The following MIPOL1 variants were observed in gnomAD, a reference collection of about 807,000 sequenced individuals.
MIPOL1 encodes the protein mirror-image polydactyly gene 1 protein.
In MIPOL1, 57 loss-of-function variants were observed where a neutral mutation model predicts 60.9. The ratio of observed to expected loss-of-function variants is 0.94; its 90% confidence interval spans 0.76 to 1.17. The LOEUF (loss-of-function observed/expected upper bound fraction) is 1.17, where lower values mean the gene tolerates loss of function less well. MIPOL1 is among the 50% of genes most tolerant of loss of function. The probability of loss-of-function intolerance (pLI) is 0.00; values close to 1 mark genes in which losing one functional copy is unlikely to be tolerated. For missense variants in MIPOL1, 551 were observed against 511.6 expected, an observed-to-expected ratio of 1.08 and a Z score of -0.74; for synonymous variants, 179 against 168.8, an observed-to-expected ratio of 1.06 and a Z score of -0.47.
In MIPOL1 at chr14:37,519,346, G is replaced by C. The variant is rs1383087481; in HGVS notation, c.1262+19208G>C. ...TCTCACTCATGTATTCTGTGCTTAT[G>C]TAAGTGATGGCAGATAGACCTAAAC... is the stretch of plus-strand genomic sequence containing the variant. On this transcript the variant is annotated intron_variant, in intron 12 of 12. Transcript: ENST00000684589. Among the ~76,000 whole-genome samples, 10 of 152,092 alleles carry C rather than the reference G, an allele frequency of 6.6e-5. No individual in the cohort carries two copies. In the East Asian group the frequency reaches 1.9e-3, roughly 29 times the overall value.
At chr14:37,327,938 A>T (rs2089321647) in intron 9 of MIPOL1, among the ~76,000 whole-genome samples, 1 of 152,154 alleles carries the variant, frequency 6.6e-6, no homozygotes, top group South Asian at 2.1e-4. Flanking sequence ...TAGAAAAGGA[A>T]AATGGGTTAA....
chr14:37,296,451 G>A (rs1225338320), intron 7 of MIPOL1, among the ~76,000 whole-genome samples: 5 of 152,100 alleles, frequency 3.3e-5, no homozygotes, highest in African/African-American at 4.8e-5. Context: ...AAATAACTAA[G>A]ATCAGAGCAG....
At chr14:37,282,286 C>T (rs979378565) in intron 6 of MIPOL1, among the ~76,000 whole-genome samples, 1 of 141,154 alleles carries the variant, frequency 7.1e-6, no homozygotes, top group South Asian at 2.4e-4. Context: ...GATGGAGTTT[C>T]GCTCTCGTGC....
chr14:37,270,526 G>T lies in MIPOL1; in HGVS notation c.493+1G>T. On this transcript the variant is annotated splice_donor_variant, in intron 6 of 12. Transcript: ENST00000684589. LOFTEE classifies it high-confidence loss of function. ...GCTAAAATTGCTGAAAAGACAGCAG[G>T]TATAGTAGAGGAGTATTAACACATG... 1 of 1,540,412 alleles carries T rather than the reference G, an allele frequency of 6.5e-7. No individual in the cohort carries two copies. Among genetic ancestry groups the T allele is most frequent in the Non-Finnish European group, 8.9e-7 (1 of 1,125,242 alleles).
intron 11 of MIPOL1, among the ~76,000 whole-genome samples, chr14:37,484,491 C>A (rs2094918089): frequency 6.6e-6 from 1 of 152,054 alleles, no homozygotes; most frequent in Non-Finnish European, 1.5e-5. Flanking sequence ...GAGTGTCCTA[C>A]CGCGCCCAGC....
chr14:37,285,814 G>A (rs368262925), intron 7 of MIPOL1, among the ~76,000 whole-genome samples: 1 of 151,752 alleles, frequency 6.6e-6, no homozygotes, highest in African/African-American at 2.4e-5. Context: ...GGATGGTCTC[G>A]AACTCCTGAC....
At chr14:37,356,889 T>C (rs987041404) in intron 9 of MIPOL1, among the ~76,000 whole-genome samples, 21 of 152,196 alleles carry the variant, frequency 1.4e-4, no homozygotes, top group African/African-American at 4.8e-4. Context: ...CGCTGGGAGC[T>C]GTAGACCGGA....
chr14:37,353,894 GTC>G (rs2091600256), intron 9 of MIPOL1, among the ~76,000 whole-genome samples: 1 of 151,886 alleles, frequency 6.6e-6, no homozygotes, highest in African/African-American at 2.4e-5. Context: ...GGTTTTTTGT[GTC>G]TCTATTTCCT....
At chr14:37,297,190 A>G (rs1210078344) in intron 7 of MIPOL1, among the ~76,000 whole-genome samples, 3 of 152,210 alleles carry the variant, frequency 2.0e-5, no homozygotes, top group Admixed American at 6.5e-5. Flanking sequence ...TATAAACAGA[A>G]CCAAAGATAA....
chr14:37,199,439 G>A (rs1181419196), intron 1 of MIPOL1, among the ~76,000 whole-genome samples: 1 of 152,104 alleles, frequency 6.6e-6, no homozygotes, highest in East Asian at 1.9e-4. Flanking sequence ...CATGCTGTAT[G>A]TATAGTATTT....
At chr14:37,480,687 G>A (rs2094849216) in intron 11 of MIPOL1, among the ~76,000 whole-genome samples, 1 of 152,016 alleles carries the variant, frequency 6.6e-6, no homozygotes, top group East Asian at 1.9e-4. Context: ...TTTCCACATA[G>A]TACTGGAAAT....
intron 1 of MIPOL1, among the ~76,000 whole-genome samples, chr14:37,203,133 C>T (rs375816785): frequency 2.0e-5 from 3 of 152,060 alleles, no homozygotes; most frequent in Non-Finnish European, 4.4e-5. Flanking sequence ...TTATTATTCT[C>T]TCTATTGAAT....
intron 7 of MIPOL1, among the ~76,000 whole-genome samples, chr14:37,296,088 A>G (rs1172454402): frequency 6.6e-6 from 1 of 152,214 alleles, no homozygotes; most frequent in Non-Finnish European, 1.5e-5. Context: ...AAAGAACAGA[A>G]ATTATAACAA....
chr14:37,444,075 G>T (rs934156834), intron 11 of MIPOL1, among the ~76,000 whole-genome samples: 1 of 152,034 alleles, frequency 6.6e-6, no homozygotes, highest in African/African-American at 2.4e-5. Context: ...CTTCCCACTT[G>T]AACTTTCTGA....
intron 7 of MIPOL1, among the ~76,000 whole-genome samples, chr14:37,302,802 ATCCCTTTG>A (rs2086427847): frequency 6.6e-6 from 1 of 151,862 alleles, no homozygotes; most frequent in African/African-American, 2.4e-5. Flanking sequence ...CTATATGTTA[ATCCCTTTG>A]TCAATATCAC....
At chr14:37,198,272 C>CT (rs1397878927) in intron 1 of MIPOL1, 168 bp downstream of exon 1, 1 of 152,314 alleles carries the variant, frequency 6.6e-6, no homozygotes, top group African/African-American at 2.4e-5. Flanking sequence ...ATGGGGCTCT[C>CT]TCGAAGGTCA....
chr14:37,497,431 A>T (rs2095148670), intron 11 of MIPOL1, among the ~76,000 whole-genome samples: 1 of 152,230 alleles, frequency 6.6e-6, no homozygotes, highest in Admixed American at 6.5e-5. Context: ...GTAAAGTTAA[A>T]ATATAAGGGA....
At chr14:37,520,687 T>A (rs1420520492) in intron 12 of MIPOL1, among the ~76,000 whole-genome samples, 4 of 152,106 alleles carry the variant, frequency 2.6e-5, no homozygotes, top group Admixed American at 6.5e-5. Context: ...AGAAGTTAAT[T>A]TACATTGATT....
At chr14:37,446,922 T>C (rs1473134328) in intron 11 of MIPOL1, among the ~76,000 whole-genome samples, 1 of 144,394 alleles carries the variant, frequency 6.9e-6, no homozygotes, top group South Asian at 2.2e-4. Context: ...TGGGGACTGT[T>C]GTGGGGTGGG....
Sources: gnomAD v4.1 joint callset for allele counts (sites outside exome capture counted in the v4.1 genomes callset) on GRCh38, gnomAD v4.1.1 for gene constraint, MANE v1.5 for transcripts, NCBI Gene and HGNC (gene_info 2026-07-23, HGNC 2026-07-21) for gene names.